The following MSH6 variants were observed in gnomAD, a reference collection of about 807,000 sequenced individuals.
The protein encoded by MSH6 is mutS homolog 6.
Under a neutral mutation model 119.1 loss-of-function variants are expected in MSH6, and 85 were observed. That is an observed-to-expected ratio of 0.71 (90% CI 0.60 to 0.85). The LOEUF is 0.85. Ranked by LOEUF, MSH6 falls within the 40% of genes least tolerant of loss-of-function variation. MSH6 has a pLI of 0.00. For missense variants in MSH6, 2,163 were observed against 1,655.3 expected (o/e 1.31, Z -5.32); for synonymous variants, 830 against 586.9 (o/e 1.41, Z -5.99).
At chr2:47,802,179 T>C (rs1483591343) in intron 4 of MSH6, among the ~76,000 whole-genome samples, 2 of 152,252 alleles carry the variant, frequency 1.3e-5, no homozygotes, top group East Asian at 3.8e-4. Flanking sequence ...AGCCAAATTG[T>C]CAAAGATTCT....
At position 47,803,547 on chromosome 2, in the gene MSH6, G is replaced by C. The variant is rs540252208; in HGVS notation, c.3300G>C (p.Thr1100=). Residue 1100 remains threonine, a synonymous_variant, in exon 5 of 10, where the codon ACG becomes ACC. Transcript: ENST00000234420. ...AAGGATCACGCCATCCTTGCATTAC[G>C]AAGACTTTTTTTGGAGATGATTTTA... ...ELKGSRHPCI[T]KTFFGDDFIP... 21 of 1,614,066 alleles carry C rather than the reference G, an allele frequency of 1.3e-5. No homozygotes were observed. Among genetic ancestry groups the C allele is most frequent in the Non-Finnish European group, 1.8e-5 (21 of 1,180,026 alleles).
intron 1 of MSH6, chr2:47,784,058 G>C: frequency 9.9e-7 from 1 of 1,013,222 alleles, no homozygotes; most frequent in Middle Eastern, 4.8e-4. Context: ...AGGTAGTTAA[G>C]AGCCGCGGTC....
At chr2:47,785,533 T>C (rs1008530296) in intron 1 of MSH6, among the ~76,000 whole-genome samples, 1 of 152,248 alleles carries the variant, frequency 6.6e-6, no homozygotes, top group African/African-American at 2.4e-5. Context: ...TTAGTGGTTT[T>C]GAGTAATGGA....
downstream of MSH6, chr2:47,808,435 G>C (rs1670374668): frequency 1.9e-6 from 3 of 1,574,686 alleles, no homozygotes; most frequent in Non-Finnish European, 2.6e-6. Flanking sequence ...CATCTAAAAA[G>C]CAAAAGCTTA....
rs894432330 is a variant in MSH6, at chr2:47,801,411, C to T, written c.3172+256C>T. On this transcript the variant is annotated intron_variant, in intron 4 of 9. Coordinates refer to ENST00000234420, the MANE Select transcript of MSH6 (RefSeq NM_000179.3). ...TGAGACATGGTCTTGCTCTGTTGCC[C>T]AGGCTAGAATATGGTGACACAACCA... is the stretch of plus-strand genomic sequence containing the variant. 2.0e-5 allele frequency: 7 copies of T among 347,224 alleles called. No individual in the cohort carries two copies. In the East Asian group the frequency reaches 3.4e-4, roughly 17 times the overall value. 21.5% of individuals were successfully genotyped at this position (347,224 alleles called of 1,614,324 possible). A position where few individuals can be genotyped will look rare whatever the true frequency, so the allele number is the denominator to read the frequency against.
Position 47,799,905 on chromosome 2 carries a change from A to G in MSH6, c.1922A>G (p.Glu641Gly), listed in dbSNP as rs2104376429. 1.2e-6 allele frequency: 2 copies of G among 1,614,200 alleles called. No homozygotes were observed. Among genetic ancestry groups the G allele is most frequent in the Non-Finnish European group, 1.7e-6 (2 of 1,180,042 alleles). Residue 641 changes from glutamate (E) to glycine (G), a missense_variant, in exon 4 of 10, where the codon GAA (glutamate) becomes GGA (glycine). Glu to Gly is a moderately conservative substitution (Grantham distance 98). Coordinates refer to ENST00000234420, the MANE Select transcript of MSH6 (RefSeq NM_000179.3). ...ACTTTGAGAACTCTCCTTGAGGAAG[A>G]ATATTTTAGGGAAAAGCTAAGTGAT... Reference protein sequence around the residue: ...SKTLRTLLEEEYFREKLSDGI... With the variant: ...SKTLRTLLEEGYFREKLSDGI...
intron 1 of MSH6, 64 bp from the exon 2 acceptor site, chr2:47,790,863 G>C: frequency 7.0e-7 from 1 of 1,423,182 alleles, no homozygotes; most frequent in Non-Finnish European, 9.9e-7. Context: ...TTATTTGTAG[G>C]TAACTGCCTT....
In MSH6 at chr2:47,799,854, G is replaced by T. The variant is rs763606858; in HGVS notation, c.1871G>T (p.Gly624Val). The T allele has an allele frequency of 2.5e-6, 4 of 1,614,160 alleles. No individual in the cohort carries two copies. The highest frequency in any genetic ancestry group is 3.4e-6 in the Non-Finnish European group (4 of 1,180,032). The change falls in exon 4 of 10, where the codon GGC becomes GTC. Residue 624 changes from glycine to valine, a missense_variant. Physicochemically the swap from Gly to Val is moderately radical, Grantham distance 109. Transcript: ENST00000234420. ...SCSLQEGLIP[G>V]SQFWDASKTL... Reference sequence around the variant, plus strand: ...TCTCTTCAGGAAGGTCTGATACCCGGCTCCCAGTTTTGGGATGCATCCAAA... The same window carrying T: ...TCTCTTCAGGAAGGTCTGATACCCGTCTCCCAGTTTTGGGATGCATCCAAA...
intron 1 of MSH6, 119 bp from the exon 2 acceptor site, chr2:47,790,808 A>G (rs902346013): frequency 5.6e-6 from 5 of 897,814 alleles, no homozygotes; most frequent in South Asian, 4.4e-5. Flanking sequence ...AAATTATTCT[A>G]GAATTTCTGT....
intron 5 of MSH6, among the ~76,000 whole-genome samples, chr2:47,804,614 G>A (rs577676737): frequency 6.6e-6 from 1 of 152,038 alleles, no homozygotes; most frequent in South Asian, 2.1e-4. Context: ...CATCTCAGTA[G>A]TTTTAAAGAG....
intron 6 of MSH6, among the ~76,000 whole-genome samples, 189 bp downstream of exon 6, chr2:47,805,216 T>C (rs904922041): frequency 6.6e-6 from 1 of 152,152 alleles, no homozygotes; most frequent in Non-Finnish European, 1.5e-5. Flanking sequence ...GTTTCCCTCT[T>C]GTTGCCCAAG....
Position 47,800,486 on chromosome 2 carries a change from C to G in MSH6, c.2503C>G (p.Gln835Glu), listed in dbSNP as rs63751321. 6 of 1,613,006 alleles carry G rather than the reference C, an allele frequency of 3.7e-6. No individual in the cohort carries two copies. Among genetic ancestry groups the G allele is most frequent in the East Asian group, 4.5e-5 (2 of 44,874 alleles). Reference protein sequence around the residue: ...IHNVGSPLKSQNHPDSRAIMY... With the variant: ...IHNVGSPLKSENHPDSRAIMY... Reference sequence around the variant, plus strand: ...TAATGTTGGGTCTCCCCTGAAGAGTCAGAACCACCCAGACAGCAGGGCTAT... The same window carrying G: ...TAATGTTGGGTCTCCCCTGAAGAGTGAGAACCACCCAGACAGCAGGGCTAT... The change falls in exon 4 of 10, where the codon CAG (glutamine) becomes GAG (glutamate). Residue 835 changes from glutamine (Q) to glutamate (E), a missense_variant. Transcript: ENST00000234420.
downstream of MSH6, chr2:47,808,346 C>G: frequency 6.2e-7 from 1 of 1,612,168 alleles, no homozygotes; most frequent in South Asian, 1.1e-5. Flanking sequence ...GTCTAATAAA[C>G]TCTACATCAT....
chr2:47,783,952 G>T (rs3136237), intron 1 of MSH6: 8 of 1,028,208 alleles, frequency 7.8e-6, no homozygotes, highest in Non-Finnish European at 9.4e-6. Context: ...GGCCGAACGG[G>T]GAGAGTCCGG....
Position 47,800,243 on chromosome 2 carries a change from A to C in MSH6, c.2260A>C (p.Thr754Pro), listed in dbSNP as rs545057945. 1.9e-6 allele frequency: 3 copies of C among 1,614,188 alleles called. No individual in the cohort carries two copies. The highest frequency in any genetic ancestry group is 4.5e-5 in the East Asian group (2 of 44,884). The change falls in exon 4 of 10, where the codon ACT becomes CCT. Residue 754 changes from threonine to proline, a missense_variant. Thr to Pro is a conservative substitution (Grantham distance 38). Coordinates refer to ENST00000234420, the MANE Select transcript of MSH6 (RefSeq NM_000179.3). Reference sequence around the variant, plus strand: ...TTTTCTGAATGGAACAAATGGTTCTACTGAAGGAACCCTACTAGAGAGGGT... The same window carrying C: ...TTTTCTGAATGGAACAAATGGTTCTCCTGAAGGAACCCTACTAGAGAGGGT... ...EIFLNGTNGS[T>P]EGTLLERVDT...
chr2:47,803,768 C>CAGTT, intron 5 of MSH6, 83 bp downstream of exon 5: 2 of 1,545,902 alleles, frequency 1.3e-6, no homozygotes, highest in Non-Finnish European at 1.8e-6. Flanking sequence ...TTTCCAAACA[C>CAGTT]AGTTACATAA....
chr2:47,809,954 T>C, downstream of MSH6: 1 of 503,854 alleles, frequency 2.0e-6, no homozygotes, highest in South Asian at 3.1e-5. Flanking sequence ...ACATGATACT[T>C]GGATTTCATT....
At chr2:47,792,761 G>T (rs1668817347) in intron 2 of MSH6, among the ~76,000 whole-genome samples, 1 of 151,890 alleles carries the variant, frequency 6.6e-6, no homozygotes, top group South Asian at 2.1e-4. Flanking sequence ...TGAACTCCTG[G>T]GCTCAAGTGA....
At chr2:47,802,007 A>T (rs1393692791) in intron 4 of MSH6, among the ~76,000 whole-genome samples, 1 of 152,240 alleles carries the variant, frequency 6.6e-6, no homozygotes, top group Non-Finnish European at 1.5e-5. Context: ...AATTTTATTT[A>T]TCAATAAAAA....
Sources: gnomAD v4.1 joint callset for allele counts (sites outside exome capture counted in the v4.1 genomes callset) on GRCh38, gnomAD v4.1.1 for gene constraint, MANE v1.5 for transcripts, NCBI Gene and HGNC (gene_info 2026-07-23, HGNC 2026-07-21) for gene names.